KLHL25: variants seen among roughly 807,000 people sequenced by gnomAD.
KLHL25 encodes kelch like family member 25.
Under a neutral mutation model 30.0 loss-of-function variants are expected in KLHL25, and 41 were observed. The ratio of observed to expected loss-of-function variants is 1.37; its 90% CI spans 1.07 to 1.78. The LOEUF (loss-of-function observed/expected upper bound fraction) is 1.78. Among genes scored for constraint, KLHL25 ranks in the 40% most tolerant of loss-of-function variants. The probability of loss-of-function intolerance (pLI) is 0.00; values close to 1 mark genes in which losing one functional copy is unlikely to be tolerated. For synonymous variants in KLHL25, 399 were observed against 355.3 expected (o/e 1.12, Z -1.38); for missense variants, 971 against 824.5 (o/e 1.18, Z -2.18).
chr15:85,780,623 T>C (rs1241036046), intron 1 of KLHL25, among the ~76,000 whole-genome samples: 1 of 152,238 alleles, frequency 6.6e-6, no homozygotes, highest in African/African-American at 2.4e-5. Context: ...ACTGGCCACT[T>C]ACTGGTAGTG....
intron 2 of KLHL25, among the ~76,000 whole-genome samples, chr15:85,765,581 G>A (rs2089615946): frequency 1.4e-5 from 2 of 146,740 alleles, no homozygotes; most frequent in South Asian, 4.3e-4. Context: ...AGCAGAGATC[G>A]CACCATTACA....
Position 85,789,676 on chromosome 15 carries a change from C to A in KLHL25, c.-11+5090G>T, listed in dbSNP as rs2089803551. On this transcript the variant is annotated intron_variant, in intron 1 of 2. Coordinates refer to ENST00000337975, the MANE Select transcript of KLHL25 (RefSeq NM_022480.4). This position sits in a 1 kb window ranked among gnomAD's most constrained non-coding sequence, Gnocchi z 4.1. ...CCCTAGTCATTCCAGAGGGGGTCAT[C>A]CTGGTGCTCCCACGAACTGCTGCCC... Among the ~76,000 whole-genome samples the A allele has an allele frequency of 6.6e-6, 1 of 152,174 alleles. No homozygotes were observed. The highest frequency in any genetic ancestry group is 2.4e-5 in the African/African-American group (1 of 41,446).
At position 85,768,729 on chromosome 15, in the gene KLHL25, T is replaced by G. The variant is rs1306239933; in HGVS notation, c.1082A>C (p.Tyr361Ser). 6.2e-7 allele frequency: 1 copy of G among 1,613,214 alleles called. No homozygotes were observed. Among genetic ancestry groups the G allele is most frequent in the Non-Finnish European group, 8.5e-7 (1 of 1,179,908 alleles). The change falls in exon 2 of 3, where the codon TAC (tyrosine) becomes TCC (serine). Residue 361 changes from tyrosine to serine, a missense_variant. Tyr to Ser is a moderately radical substitution (Grantham distance 144). Coordinates refer to ENST00000337975, the MANE Select transcript of KLHL25 (RefSeq NM_022480.4). ...ENGVSKDVWV[Y>S]DTVHEEWSKA... Reference sequence around the variant, plus strand: ...GGACCATTCCTCATGTACGGTGTCGTACACCCAGACATCCTTGGAGACCCC... The same window carrying G: ...GGACCATTCCTCATGTACGGTGTCGGACACCCAGACATCCTTGGAGACCCC...
At chr15:85,767,616 G>A (rs1405216247) in intron 2 of KLHL25, among the ~76,000 whole-genome samples, 1 of 152,188 alleles carries the variant, frequency 6.6e-6, no homozygotes, top group African/African-American at 2.4e-5. Flanking sequence ...AAAATTGACC[G>A]AGGGTGGTTT....
At chr15:85,766,134 G>C (rs1191219899) in intron 2 of KLHL25, among the ~76,000 whole-genome samples, 1 of 152,206 alleles carries the variant, frequency 6.6e-6, no homozygotes, top group Admixed American at 6.5e-5. Flanking sequence ...TTAATGTTTA[G>C]CTCGGGCCAG....
At chr15:85,773,927 C>T (rs990000911) in intron 1 of KLHL25, among the ~76,000 whole-genome samples, 3 of 152,120 alleles carry the variant, frequency 2.0e-5, no homozygotes, top group Non-Finnish European at 4.4e-5. Context: ...CTGCTTGTCT[C>T]GGTAAGGGGT....
intron 2 of KLHL25, chr15:85,762,155 A>C (rs1001613927): frequency 1.3e-5 from 2 of 152,378 alleles, no homozygotes; most frequent in South Asian, 2.1e-4. Flanking sequence ...CAAGCTCCTC[A>C]CAAGTGAGAA....
At position 85,769,577 on chromosome 15, in the gene KLHL25, G is replaced by C. The variant is rs780277392; in HGVS notation, c.234C>G (p.Gly78=). ...SRYFEAMFSH[G]LRESRDDTVN... is the part of the protein sequence containing the mutation. ...CAGTGTCATCCCGGCTCTCCCGAAG[G>C]CCATGGCTGAACATGGCCTCAAAAT... The change falls in exon 2 of 3, where the codon GGC becomes GGG. Residue 78 remains glycine (G), a synonymous_variant. Coordinates refer to ENST00000337975, the MANE Select transcript of KLHL25 (RefSeq NM_022480.4). 5.3e-5 allele frequency: 86 copies of C among 1,613,626 alleles called. No homozygotes were observed. Among genetic ancestry groups the C allele is most frequent in the Admixed American group, 3.3e-5 (2 of 60,002 alleles).
At position 85,759,522 on chromosome 15, in the gene KLHL25, C is replaced by T. The variant is rs1248285988; in HGVS notation, c.*1514G>A. ...TGCCAGCAGAGCCGTCCCCTGGGAC[C>T]ACAGCCAAGTGCCTTCGGGCAGCTG... On this transcript the variant is annotated 3_prime_UTR_variant, in exon 3 of 3. Coordinates refer to ENST00000337975, the MANE Select transcript of KLHL25 (RefSeq NM_022480.4). 1 of 152,364 alleles carries T rather than the reference C, an allele frequency of 6.6e-6. No homozygotes were observed. Among genetic ancestry groups the T allele is most frequent in the Admixed American group, 6.5e-5 (1 of 15,280 alleles). The allele number at this position is 152,364 out of a possible 1,614,324, so 9.4% of individuals were successfully genotyped here.
At chr15:85,783,394 A>AACTGATGTATTCC (rs2089757960) in intron 1 of KLHL25, among the ~76,000 whole-genome samples, 1 of 151,802 alleles carries the variant, frequency 6.6e-6, no homozygotes, top group Non-Finnish European at 1.5e-5. Flanking sequence ...GTGCCCAGCC[A>AACTGATGTATTCC]TATTTAAACA....
rs1332427492 is a variant in KLHL25, at chr15:85,789,208, T to C, written c.-11+5558A>G. ...TCGGCTGATGGTGGAAGGCTCCTCC[T>C]GGCAGAGATGGGTGGGGAGTGACAC... On this transcript the variant is annotated intron_variant, in intron 1 of 2. Transcript: ENST00000337975. This position sits in a 1 kb window ranked among gnomAD's most constrained non-coding sequence, Gnocchi z 4.1. Among the ~76,000 whole-genome samples, 1 of 152,208 alleles carries C rather than the reference T, an allele frequency of 6.6e-6. No individual in the cohort carries two copies. Among genetic ancestry groups the C allele is most frequent in the Admixed American group, 6.5e-5 (1 of 15,280 alleles).
At chr15:85,770,374 C>A (rs1158706714) in intron 1 of KLHL25, 2 of 457,518 alleles carry the variant, frequency 4.4e-6, no homozygotes, top group Non-Finnish European at 4.4e-6. Flanking sequence ...CTAATCCCTG[C>A]AGGGTTTGCT....
rs560594002 is a variant in KLHL25 at position 85,768,407 on chromosome 15, C to T, written c.1404G>A (p.Ser468=). The T allele has an allele frequency of 1.9e-5, 30 of 1,613,578 alleles. 1 individual carries two copies. Among genetic ancestry groups the T allele is most frequent in the South Asian group, 1.4e-4 (13 of 91,060 alleles). ...MVSKVQCYDP[S]ENRWTIKAEC... is the part of the protein sequence containing the mutation. ...CGGCCTTGATCGTCCACCTGTTCTC[C>T]GAGGGGTCATAGCACTGGACCTTGG... Residue 468 remains serine (S), a synonymous_variant, in exon 2 of 3, where the codon TCG becomes TCA. Transcript: ENST00000337975.
rs773385222 is a variant in KLHL25 at position 85,769,543 on chromosome 15, G to A, written c.268C>T (p.Gln90Ter). 2.5e-6 allele frequency: 4 copies of A among 1,613,756 alleles called. No homozygotes were observed. In the African/African-American group the frequency reaches 5.3e-5, roughly 22 times the overall value. ...AGCACCTCCGGGTGCAGGTTGTCCT[G>A]GAAGTTGACAGTGTCATCCCGGCTC... ...RESRDDTVNF[Q>*]DNLHPEVLEL... is the part of the protein sequence containing the mutation. Residue 90 changes from glutamine to a stop codon, truncating the protein, a stop_gained, in exon 2 of 3, where the codon CAG (glutamine) becomes TAG (stop). Coordinates refer to ENST00000337975, the MANE Select transcript of KLHL25 (RefSeq NM_022480.4). LOFTEE classifies it high-confidence loss of function.
Position 85,759,390 on chromosome 15 carries a change from C to T in KLHL25, c.*1646G>A, listed in dbSNP as rs2089563109. On this transcript the variant is annotated 3_prime_UTR_variant, in exon 3 of 3. Coordinates refer to ENST00000337975, the MANE Select transcript of KLHL25 (RefSeq NM_022480.4). ...AGCAACACAACTTTTGGGGAAAGCA[C>T]CATGGCACGTCCTTTGTGCTATGTG... 6.6e-6 allele frequency: 1 copy of T among 152,536 alleles called. No individual in the cohort carries two copies. The highest frequency in any genetic ancestry group is 1.5e-5 in the Non-Finnish European group (1 of 68,052). The allele number at this position is 152,536 out of a possible 1,614,324, so 9.4% of individuals were successfully genotyped here.
intron 1 of KLHL25, among the ~76,000 whole-genome samples, chr15:85,773,133 A>G (rs1346538092): frequency 4.6e-5 from 7 of 152,214 alleles, no homozygotes. Flanking sequence ...CTGTCTCCCA[A>G]ACTGCACAGG....
intron 1 of KLHL25, among the ~76,000 whole-genome samples, chr15:85,786,832 GC>G (rs1328295096): frequency 1.3e-5 from 2 of 152,186 alleles, no homozygotes; most frequent in East Asian, 3.8e-4. Flanking sequence ...TAAAAACCAT[GC>G]CTCTTCATGT....
At chr15:85,781,293 G>C (rs908214064) in intron 1 of KLHL25, among the ~76,000 whole-genome samples, 2 of 152,178 alleles carry the variant, frequency 1.3e-5, no homozygotes, top group Non-Finnish European at 2.9e-5. Flanking sequence ...GTGTGATTCT[G>C]TAACATCAGG....
chr15:85,776,654 G>A (rs549145942), intron 1 of KLHL25, among the ~76,000 whole-genome samples: 11 of 151,894 alleles, frequency 7.2e-5, no homozygotes, highest in African/African-American at 1.4e-4. Context: ...GGCCGGGCAC[G>A]GTGGCTCACG....
Sources: allele counts gnomAD v4.1 joint callset (sites outside exome capture counted in the v4.1 genomes callset), GRCh38; gene constraint gnomAD v4.1.1; non-coding constraint Gnocchi (gnomAD v3.1); transcripts MANE v1.5; gene names NCBI Gene and HGNC (gene_info 2026-07-23, HGNC 2026-07-21).